The following CAMTA1 variants were observed in gnomAD, a reference collection of about 807,000 sequenced individuals.
CAMTA1 encodes calmodulin-binding transcription activator 1.
Under a neutral mutation model 170.9 loss-of-function variants are expected in CAMTA1, and 27 were observed. The observed-to-expected ratio is 0.16, with a 90% CI of 0.12 to 0.22. The LOEUF (loss-of-function observed/expected upper bound fraction) is 0.22, where lower values mean the gene tolerates loss of function less well. CAMTA1 is among the 10% of genes least tolerant of loss of function. The probability of loss-of-function intolerance (pLI) is 1.00; values close to 1 mark genes in which losing one functional copy is unlikely to be tolerated. For missense variants in CAMTA1, 1,619 were observed against 2,217.2 expected (o/e 0.73, Z 5.42); for synonymous variants, 833 against 891.5 (o/e 0.93, Z 1.17).
chr1:7,737,100 ATGGC>A, intron 14 of CAMTA1, 91 bp downstream of exon 14: 21 of 1,333,536 alleles, frequency 1.6e-5, no homozygotes, highest in Non-Finnish European at 2.3e-5. Flanking sequence ...TTGCTGACAC[ATGGC>A]ATGTTTCGGA....
Position 7,333,636 on chromosome 1 carries a change from TC to T in CAMTA1, c.438+84011del, listed in dbSNP as rs1342918801. On this transcript the variant is annotated intron_variant, in intron 5 of 22. Transcript: ENST00000303635. This position sits in a 1 kb window ranked among gnomAD's most constrained non-coding sequence, Gnocchi z 4.4. The stretch of plus-strand genomic sequence containing the variant: ...CTTAAATGCTGCTGTCGTCCCAGCT[TC>T]TAGGGAGGCTGGGGTTACAGCCTCC... 4.6e-5 allele frequency among the ~76,000 whole-genome samples: 7 copies of T among 152,194 alleles called. No individual in the cohort carries two copies. The highest frequency in any genetic ancestry group is 1.7e-4 in the African/African-American group (7 of 41,456).
rs377264622 is a variant in CAMTA1 at position 7,738,523 on chromosome 1, G to C, written c.4182+41G>C. On this transcript the variant is annotated intron_variant, in intron 16 of 22. Transcript: ENST00000303635. The surrounding 1 kb of genome is among the most constrained non-coding windows in gnomAD (Gnocchi z 4.9). ...AGGGTAAGCCCGCAGAGGCTGGTGC[G>C]TTCCAGTTGCTGTGATCTTTATGGT... 6.3e-7 allele frequency: 1 copy of C among 1,579,718 alleles called. No homozygotes were observed. Among genetic ancestry groups the C allele is most frequent in the South Asian group, 1.1e-5 (1 of 87,262 alleles).
intron 5 of CAMTA1, among the ~76,000 whole-genome samples, chr1:7,355,566 C>T (rs2085048067): frequency 6.6e-6 from 1 of 152,236 alleles, no homozygotes; most frequent in South Asian, 2.1e-4. Context: ...CTGCTTCTTC[C>T]TACCTTGACT....
intron 11 of CAMTA1, among the ~76,000 whole-genome samples, chr1:7,678,689 A>G (rs2096150724): frequency 6.6e-6 from 1 of 152,168 alleles, no homozygotes. Context: ...GTATCAGGTG[A>G]GCCCACAGAG....
intron 4 of CAMTA1, among the ~76,000 whole-genome samples, chr1:7,233,482 C>A (rs570634952): frequency 6.6e-6 from 1 of 152,340 alleles, no homozygotes; most frequent in Non-Finnish European, 1.5e-5. Flanking sequence ...TCTTAAACCC[C>A]CTTTTCTTTG....
At chr1:7,373,227 C>A (rs575226701) in intron 5 of CAMTA1, among the ~76,000 whole-genome samples, 76 of 152,306 alleles carry the variant, frequency 5.0e-4, no homozygotes, top group Non-Finnish European at 7.9e-4. Context: ...TATTTCTACC[C>A]AGTAGTACCC....
intron 7 of CAMTA1, among the ~76,000 whole-genome samples, chr1:7,655,014 A>AC (rs1209160844): frequency 6.8e-6 from 1 of 148,048 alleles, no homozygotes; most frequent in Non-Finnish European, 1.5e-5. Context: ...CTATACACAC[A>AC]CCCCTATATA....
In CAMTA1 at chr1:7,113,046, C is replaced by A. The variant is rs545486818; in HGVS notation, c.302+21675C>A. Among the ~76,000 whole-genome samples, 3 of 152,224 alleles carry A rather than the reference C, an allele frequency of 2.0e-5. No individual in the cohort carries two copies. The highest frequency in any genetic ancestry group is 1.9e-4 in the East Asian group (1 of 5,206). ...GGTACTCTGGTTCCATCTCTTCCGG[C>A]CTTTGCATGTGGGGCTCTCAGTTTA... On this transcript the variant is annotated intron_variant, in intron 4 of 22. Coordinates refer to ENST00000303635, the MANE Select transcript of CAMTA1 (RefSeq NM_015215.4). This position sits in a 1 kb window ranked among gnomAD's most constrained non-coding sequence, Gnocchi z 4.5.
intron 12 of CAMTA1, among the ~76,000 whole-genome samples, chr1:7,735,428 G>C (rs2096764067): frequency 6.8e-6 from 1 of 148,102 alleles, no homozygotes; most frequent in Non-Finnish European, 1.5e-5. Context: ...CTGGGTGACA[G>C]AGCGAGACTC....
intron 4 of CAMTA1, among the ~76,000 whole-genome samples, chr1:7,105,378 A>G (rs1466442769): frequency 6.6e-6 from 1 of 152,228 alleles, no homozygotes; most frequent in East Asian, 1.9e-4. Flanking sequence ...CTGGAAAGGT[A>G]TCTGAATTCG....
At chr1:7,487,108 A>G (rs2149669912) in intron 6 of CAMTA1, among the ~76,000 whole-genome samples, 1 of 152,356 alleles carries the variant, frequency 6.6e-6, no homozygotes, top group South Asian at 2.1e-4. Flanking sequence ...TGCTCCTGAT[A>G]GGAGGGGCTC....
chr1:7,550,815 C>T (rs537342061), intron 6 of CAMTA1, among the ~76,000 whole-genome samples: 9 of 116,056 alleles, frequency 7.8e-5, no homozygotes, highest in African/African-American at 2.5e-4. Flanking sequence ...CTACCTGGCC[C>T]CTACCACCCG....
chr1:7,679,581 C>CA (rs146046745), intron 11 of CAMTA1, among the ~76,000 whole-genome samples: 7 of 46,256 alleles, frequency 1.5e-4, no homozygotes, highest in Non-Finnish European at 1.8e-4. Flanking sequence ...AGCTGCCCCC[C>CA]CCCCCAGAAC....
Position 7,737,695 on chromosome 1 carries a change from T to C in CAMTA1, c.3658+125T>C, listed in dbSNP as rs895588988. The stretch of plus-strand genomic sequence containing the variant: ...TCAGTTTTTTTGTTAATGTTTCTGA[T>C]TTTTCTTTAAGAATGCCTAGTGCTG... On this transcript the variant is annotated intron_variant, in intron 15 of 22. Transcript: ENST00000303635. The C allele has an allele frequency of 5.7e-6, 6 of 1,049,728 alleles. No homozygotes were observed. The African/African-American group carries it at 6.4e-5, about 11-fold the overall frequency. The allele number at this position is 1,049,728 out of a possible 1,614,324, so 65.0% of individuals were successfully genotyped here.
At chr1:7,362,981 G>A (rs186014904) in intron 5 of CAMTA1, among the ~76,000 whole-genome samples, 8 of 152,340 alleles carry the variant, frequency 5.3e-5, no homozygotes, top group Non-Finnish European at 1.2e-4. Flanking sequence ...GACTTGATGC[G>A]TGTGGGGCAA....
At chr1:7,285,389 C>T (rs1379579708) in intron 5 of CAMTA1, among the ~76,000 whole-genome samples, 1 of 152,162 alleles carries the variant, frequency 6.6e-6, no homozygotes, top group Non-Finnish European at 1.5e-5. Flanking sequence ...GGAAGTTCTG[C>T]GACGTGCAAG....
chr1:7,609,139 G>A lies in CAMTA1; in HGVS notation c.511-31261G>A, dbSNP rs148490253. 3.6e-3 allele frequency among the ~76,000 whole-genome samples: 550 copies of A among 152,230 alleles called. 4 individuals carry two copies. Among genetic ancestry groups the A allele is most frequent in the African/African-American group, 0.012 (517 of 41,546 alleles). On this transcript the variant is annotated intron_variant, in intron 6 of 22. Coordinates refer to ENST00000303635, the MANE Select transcript of CAMTA1 (RefSeq NM_015215.4). This position sits in a 1 kb window ranked among gnomAD's most constrained non-coding sequence, Gnocchi z 4.4. ...GACATTCTGGCCCCTTCCCACTACC[G>A]GCCTAGCCCTGCCGCCTGTGCCTTG...
intron 4 of CAMTA1, among the ~76,000 whole-genome samples, chr1:7,150,262 C>T (rs1646496557): frequency 6.6e-6 from 1 of 152,170 alleles, no homozygotes; most frequent in Admixed American, 6.5e-5. Flanking sequence ...TTGGCCTGGA[C>T]CGGCAGGTGG....
intron 6 of CAMTA1, among the ~76,000 whole-genome samples, chr1:7,566,955 C>T (rs1434886560): frequency 6.6e-6 from 1 of 152,216 alleles, no homozygotes; most frequent in African/African-American, 2.4e-5. Context: ...GGAGCTAAAA[C>T]AAGTGAGCGT....
Sources: gnomAD v4.1 joint callset for allele counts (sites outside exome capture counted in the v4.1 genomes callset) on GRCh38, gnomAD v4.1.1 for gene constraint, Gnocchi (gnomAD v3.1) non-coding constraint, MANE v1.5 for transcripts, NCBI Gene and HGNC (gene_info 2026-07-23, HGNC 2026-07-21) for gene names.